CUX2: variants seen among roughly 807,000 people sequenced by gnomAD.
CUX2 encodes cut like homeobox 2.
In CUX2, 40 loss-of-function variants were observed where a neutral mutation model predicts 144.8. The ratio of observed to expected loss-of-function variants is 0.28; its 90% CI spans 0.21 to 0.36. The LOEUF is 0.36. Ranked by LOEUF, CUX2 falls within the 10% of genes least tolerant of loss-of-function variation. CUX2 has a pLI of 1.00. For missense variants in CUX2, 1,615 were observed against 1,994.0 expected, an observed-to-expected ratio of 0.81 and a Z score of 3.62; for synonymous variants, 827 against 875.6, an observed-to-expected ratio of 0.94 and a Z score of 0.98.
chr12:111,082,256 C>G (rs1378650162), intron 1 of CUX2, among the ~76,000 whole-genome samples: 2 of 151,972 alleles, frequency 1.3e-5, no homozygotes, highest in Non-Finnish European at 2.9e-5. Flanking sequence ...CTTCATCCAG[C>G]AGAGATGAGC....
intron 4 of CUX2, among the ~76,000 whole-genome samples, chr12:111,278,368 C>A (rs1308310314): frequency 6.6e-6 from 1 of 152,208 alleles, no homozygotes; most frequent in Non-Finnish European, 1.5e-5. Context: ...CTGCAGTGAG[C>A]CGTGATTGTG....
intron 1 of CUX2, among the ~76,000 whole-genome samples, chr12:111,041,298 CT>C (rs753960033): frequency 1.3e-5 from 2 of 152,232 alleles, no homozygotes; most frequent in African/African-American, 2.4e-5. Context: ...ATCTGAGTGA[CT>C]TCCTATTGTC....
chr12:111,192,323 T>C (rs1879941707), intron 1 of CUX2, among the ~76,000 whole-genome samples: 1 of 151,500 alleles, frequency 6.6e-6, no homozygotes, highest in Admixed American at 6.6e-5. Flanking sequence ...AGAGATGGGG[T>C]TTCGCCATGT....
At position 111,295,309 on chromosome 12, in the gene CUX2, C is replaced by A. The variant is rs751139539; in HGVS notation, c.561-24C>A. The A allele has an allele frequency of 5.0e-6, 8 of 1,608,076 alleles. No homozygotes were observed. Among genetic ancestry groups the A allele is most frequent in the Admixed American group, 3.4e-5 (2 of 58,854 alleles). ...GCAAGGCCTGTCCCTGCAGCCAGCA[C>A]AAGCAGGCCTCGTCTCTCCGCAGGG... On this transcript the variant is annotated intron_variant, in intron 6 of 21. Coordinates refer to ENST00000261726, the MANE Select transcript of CUX2 (RefSeq NM_015267.4). This position sits in a 1 kb window ranked among gnomAD's most constrained non-coding sequence, Gnocchi z 5.0.
At chr12:111,316,140 AGCTTTT>A (rs1246918259) in intron 16 of CUX2, among the ~76,000 whole-genome samples, 1 of 137,292 alleles carries the variant, frequency 7.3e-6, no homozygotes, top group East Asian at 2.5e-4. Flanking sequence ...CATAAAATTA[AGCTTTT>A]TTTTTTTTTT....
intron 1 of CUX2, among the ~76,000 whole-genome samples, chr12:111,174,449 G>T (rs918879197): frequency 6.6e-6 from 1 of 152,236 alleles, no homozygotes; most frequent in African/African-American, 2.4e-5. Context: ...GACATTAGCA[G>T]TTCCTTGAGG....
chr12:111,263,053 G>C lies in CUX2; in HGVS notation c.223-708G>C, dbSNP rs1348264629. 6.6e-6 allele frequency among the ~76,000 whole-genome samples: 1 copy of C among 152,222 alleles called. No homozygotes were observed. The highest frequency in any genetic ancestry group is 1.5e-5 in the Non-Finnish European group (1 of 68,042). On this transcript the variant is annotated intron_variant, in intron 3 of 21. Transcript: ENST00000261726. The surrounding 1 kb of genome is among the most constrained non-coding windows in gnomAD (Gnocchi z 4.0). ...AAACTGAGAATCAGAGAGGGGCAGT[G>C]CAAGGTCACACAGCCTGCACACAGT...
intron 1 of CUX2, among the ~76,000 whole-genome samples, chr12:111,116,795 C>CA: frequency 6.6e-6 from 1 of 152,204 alleles, no homozygotes; most frequent in African/African-American, 2.4e-5. Flanking sequence ...AAAAATCTAA[C>CA]TTTATCACAA....
At chr12:111,272,373 A>G (rs979960314) in intron 4 of CUX2, among the ~76,000 whole-genome samples, 2 of 152,332 alleles carry the variant, frequency 1.3e-5, no homozygotes, top group Admixed American at 1.3e-4. Flanking sequence ...TCAGTGGAAC[A>G]CTGAAGGTTA....
intron 1 of CUX2, among the ~76,000 whole-genome samples, chr12:111,105,389 G>A (rs1412490813): frequency 3.3e-5 from 5 of 152,310 alleles, no homozygotes; most frequent in African/African-American, 7.2e-5. Context: ...ATTTCTGTCC[G>A]CCTCCTCCCA....
chr12:111,175,609 C>G (rs1878802775), intron 1 of CUX2, among the ~76,000 whole-genome samples: 2 of 152,060 alleles, frequency 1.3e-5, no homozygotes, highest in South Asian at 4.1e-4. Flanking sequence ...GGGTTCTCAA[C>G]AAAAGTTTTT....
intron 4 of CUX2, among the ~76,000 whole-genome samples, chr12:111,274,049 T>C (rs1884747172): frequency 6.6e-6 from 1 of 152,122 alleles, no homozygotes; most frequent in African/African-American, 2.4e-5. Context: ...ATATAAGAAC[T>C]TGATTTTTTG....
intron 1 of CUX2, among the ~76,000 whole-genome samples, chr12:111,209,785 C>T (rs984418692): frequency 6.6e-6 from 1 of 152,200 alleles, no homozygotes; most frequent in African/African-American, 2.4e-5. Context: ...AGCACCCGGT[C>T]CCGGGTGCAG....
rs978290617 is a variant in CUX2, at chr12:111,268,372, A to G, written c.301+4533A>G. ...CCCGAATGGCTGGGTCTGCAGGTGC[A>G]GCCACCATGCCCAGCTCAAAGACAC... On this transcript the variant is annotated intron_variant, in intron 4 of 21. Transcript: ENST00000261726. Among the ~76,000 whole-genome samples the G allele has an allele frequency of 1.1e-4, 16 of 152,170 alleles. 1 individual carries two copies. Among genetic ancestry groups the G allele is most frequent in the Admixed American group, 7.9e-4 (12 of 15,270 alleles).
At chr12:111,187,609 G>T (rs1172958614) in intron 1 of CUX2, among the ~76,000 whole-genome samples, 1 of 152,198 alleles carries the variant, frequency 6.6e-6, no homozygotes, top group African/African-American at 2.4e-5. Context: ...TGCCACCCCT[G>T]GGCACCCCCG....
intron 1 of CUX2, among the ~76,000 whole-genome samples, chr12:111,142,740 T>C (rs1307839765): frequency 6.6e-6 from 1 of 152,172 alleles, no homozygotes; most frequent in East Asian, 1.9e-4. Context: ...ATTTGCTGGT[T>C]GGGATGAATC....
chr12:111,194,259 G>A (rs1880094278), intron 1 of CUX2, among the ~76,000 whole-genome samples: 1 of 152,182 alleles, frequency 6.6e-6, no homozygotes, highest in Non-Finnish European at 1.5e-5. Flanking sequence ...CCCTCCTGGG[G>A]TTCTTGTAGC....
chr12:111,256,165 C>T (rs899954139), intron 3 of CUX2, among the ~76,000 whole-genome samples: 18 of 152,260 alleles, frequency 1.2e-4, no homozygotes, highest in Non-Finnish European at 2.2e-4. Flanking sequence ...CCCTACCCAC[C>T]GCACCAAACC....
intron 4 of CUX2, among the ~76,000 whole-genome samples, chr12:111,272,978 G>A (rs908809136): frequency 6.6e-6 from 1 of 152,172 alleles, no homozygotes. Context: ...TCAGAAGGGA[G>A]GACAGGCATT....
Sources: allele counts gnomAD v4.1 joint callset (sites outside exome capture counted in the v4.1 genomes callset), GRCh38; gene constraint gnomAD v4.1.1; non-coding constraint Gnocchi (gnomAD v3.1); transcripts MANE v1.5; gene names NCBI Gene and HGNC (gene_info 2026-07-23, HGNC 2026-07-21).